Variants in FAF1 observed in about 807,000 individuals in gnomAD.
FAF1 encodes the protein FAS-associated factor 1.
In FAF1, 25 loss-of-function variants were observed where a neutral mutation model predicts 92.5. That is an observed-to-expected ratio of 0.27 (90% CI 0.20 to 0.38). The LOEUF is 0.38. Among genes scored for constraint, FAF1 ranks in the 10% least tolerant of loss-of-function variants. The pLI, the probability that FAF1 is intolerant of heterozygous loss-of-function variation, is 1.00. For synonymous variants in FAF1, 234 were observed against 273.2 expected (o/e 0.86, Z 1.42); for missense variants, 636 against 793.3 (o/e 0.80, Z 2.38).
chr1:50,914,176 C>T (rs1048826954), intron 1 of FAF1, among the ~76,000 whole-genome samples: 6 of 152,090 alleles, frequency 3.9e-5, no homozygotes, highest in Admixed American at 3.3e-4. Context: ...ATTTTTTCAG[C>T]CACATTTCAC....
intron 1 of FAF1, among the ~76,000 whole-genome samples, chr1:50,910,513 T>C (rs1417421396): frequency 6.6e-6 from 1 of 152,176 alleles, no homozygotes; most frequent in African/African-American, 2.4e-5. Flanking sequence ...GCAGGCCTCT[T>C]TGAGCTGCAG....
At chr1:50,636,645 C>T (rs933682588) in intron 8 of FAF1, among the ~76,000 whole-genome samples, 9 of 152,008 alleles carry the variant, frequency 5.9e-5, no homozygotes, top group Admixed American at 2.6e-4. Context: ...CGTGAGCCAC[C>T]GCGCCTGGCC....
chr1:50,623,374 C>G (rs188214500), intron 8 of FAF1, among the ~76,000 whole-genome samples: 48 of 151,446 alleles, frequency 3.2e-4, no homozygotes, highest in Middle Eastern at 3.4e-3. Context: ...TCGAAACCAG[C>G]CTGGGCAACA....
chr1:50,654,314 A>T (rs905960801), intron 8 of FAF1, among the ~76,000 whole-genome samples: 2 of 152,176 alleles, frequency 1.3e-5, no homozygotes, highest in Non-Finnish European at 2.9e-5. Context: ...AGCCCTATTT[A>T]TTTTAAAAAT....
intron 6 of FAF1, among the ~76,000 whole-genome samples, chr1:50,717,080 C>A (rs546927127): frequency 6.6e-6 from 1 of 152,146 alleles, no homozygotes. Context: ...TCTTTAAGAG[C>A]CGTAACACTC....
intron 1 of FAF1, among the ~76,000 whole-genome samples, chr1:50,918,895 T>C (rs1644941259): frequency 6.6e-6 from 1 of 151,328 alleles, no homozygotes; most frequent in Non-Finnish European, 1.5e-5. Context: ...CTAACTGGTG[T>C]GAGATGATAT....
intron 15 of FAF1, among the ~76,000 whole-genome samples, chr1:50,504,829 C>G (rs1279855627): frequency 6.6e-6 from 1 of 152,104 alleles, no homozygotes; most frequent in Non-Finnish European, 1.5e-5. Flanking sequence ...TACTTAGAAC[C>G]TTGTTAACCA....
chr1:50,552,189 C>T (rs573064497), intron 13 of FAF1, among the ~76,000 whole-genome samples: 1 of 151,554 alleles, frequency 6.6e-6, no homozygotes, highest in African/African-American at 2.4e-5. Flanking sequence ...CCCAGCTACT[C>T]AGGAGGTTGA....
chr1:50,952,056 T>C (rs746750983), intron 1 of FAF1, among the ~76,000 whole-genome samples: 9 of 152,226 alleles, frequency 5.9e-5, no homozygotes, highest in Non-Finnish European at 7.4e-5. Flanking sequence ...CAAAGACCCA[T>C]GGTGATAACC....
intron 1 of FAF1, among the ~76,000 whole-genome samples, chr1:50,882,918 G>A (rs529837332): frequency 1.2e-3 from 189 of 151,646 alleles, no homozygotes; most frequent in Non-Finnish European, 2.0e-3. Flanking sequence ...CACGGGAGGC[G>A]GGTTGTAGTA....
intron 7 of FAF1, among the ~76,000 whole-genome samples, chr1:50,683,128 A>G (rs572962656): frequency 1.7e-4 from 26 of 152,304 alleles, no homozygotes; most frequent in African/African-American, 6.3e-4. Flanking sequence ...ATGACAATAG[A>G]TGTTACATAG....
At chr1:50,502,205 C>T (rs1646999863) in intron 15 of FAF1, among the ~76,000 whole-genome samples, 2 of 152,162 alleles carry the variant, frequency 1.3e-5, no homozygotes, top group Non-Finnish European at 2.9e-5. Context: ...GACCAACTCT[C>T]AGTTAGAGAC....
chr1:50,488,554 A>G (rs374229051), intron 17 of FAF1, among the ~76,000 whole-genome samples: 1 of 152,232 alleles, frequency 6.6e-6, no homozygotes, highest in Non-Finnish European at 1.5e-5. Context: ...ATATTTCTTG[A>G]AATAGCCTAA....
At chr1:50,694,128 C>T (rs1018767240) in intron 7 of FAF1, among the ~76,000 whole-genome samples, 2 of 143,170 alleles carry the variant, frequency 1.4e-5, no homozygotes, top group Non-Finnish European at 2.9e-5. Context: ...TTTAAAAATA[C>T]CTTATTAAGA....
chr1:50,697,400 G>A (rs1301786858), intron 7 of FAF1, among the ~76,000 whole-genome samples: 5 of 152,106 alleles, frequency 3.3e-5, no homozygotes, highest in Non-Finnish European at 7.4e-5. Flanking sequence ...AGTTATTCAT[G>A]ATAAATAATA....
At chr1:50,573,537 A>G (rs1190019641) in intron 12 of FAF1, among the ~76,000 whole-genome samples, 1 of 152,376 alleles carries the variant, frequency 6.6e-6, no homozygotes, top group East Asian at 1.9e-4. Flanking sequence ...TTATCTTTAA[A>G]GAGTAAAACA....
chr1:50,788,327 G>A (rs1661438361), intron 3 of FAF1, 122 bp from the exon 4 acceptor site: 1 of 760,450 alleles, frequency 1.3e-6, no homozygotes, highest in Non-Finnish European at 2.2e-6. Flanking sequence ...CTACATGTGT[G>A]TCAAGGCCAG....
At chr1:50,674,335 T>C (rs1195889443) in intron 7 of FAF1, among the ~76,000 whole-genome samples, 3 of 152,038 alleles carry the variant, frequency 2.0e-5, no homozygotes, top group Non-Finnish European at 4.4e-5. Flanking sequence ...CTGTAGATCA[T>C]CCCCTCCCCT....
chr1:50,608,369 A>C (rs1374137026), intron 8 of FAF1, among the ~76,000 whole-genome samples: 1 of 152,178 alleles, frequency 6.6e-6, no homozygotes, highest in Non-Finnish European at 1.5e-5. Context: ...CTTGCACCTC[A>C]ATAGACAAAG....
Sources: gnomAD v4.1 joint callset for allele counts (sites outside exome capture counted in the v4.1 genomes callset) on GRCh38, gnomAD v4.1.1 for gene constraint, MANE v1.5 for transcripts, NCBI Gene and HGNC (gene_info 2026-07-23, HGNC 2026-07-21) for gene names.